SIPA1L1: variants seen among roughly 807,000 people sequenced by gnomAD.
SIPA1L1 encodes the protein signal-induced proliferation-associated 1-like protein 1.
Under a neutral mutation model 162.7 loss-of-function variants are expected in SIPA1L1, and 26 were observed. The ratio of observed to expected loss-of-function variants is 0.16; its 90% CI spans 0.12 to 0.22. The LOEUF is 0.22. Ranked by LOEUF, SIPA1L1 falls within the 10% of genes least tolerant of loss-of-function variation. The probability of loss-of-function intolerance (pLI) is 1.00; values close to 1 mark genes in which losing one functional copy is unlikely to be tolerated. For synonymous variants in SIPA1L1, 829 were observed against 837.4 expected (o/e 0.99, Z 0.17); for missense variants, 1,874 against 2,241.0 (o/e 0.84, Z 3.31).
chr14:71,590,044 A>AATATAT (rs58833289), intron 5 of SIPA1L1, among the ~76,000 whole-genome samples: 60 of 59,570 alleles, frequency 1.0e-3, no homozygotes, highest in African/African-American at 1.9e-3. Flanking sequence ...AAAAAAAAAA[A>AATATAT]ATATATATAT....
chr14:71,668,183 C>A (rs1337993216), intron 10 of SIPA1L1, among the ~76,000 whole-genome samples: 3 of 152,130 alleles, frequency 2.0e-5, no homozygotes, highest in African/African-American at 7.2e-5. Flanking sequence ...TGGCCCATAT[C>A]GAGTAGAAAT....
intron 12 of SIPA1L1, among the ~76,000 whole-genome samples, chr14:71,677,023 G>A (rs1309647717): frequency 3.3e-5 from 5 of 152,186 alleles, no homozygotes; most frequent in Admixed American, 1.3e-4. Context: ...GGTATTTCTA[G>A]TTCTAGATCC....
At chr14:71,341,192 A>G (rs1340587995) in intron 2 of SIPA1L1, among the ~76,000 whole-genome samples, 4 of 152,226 alleles carry the variant, frequency 2.6e-5, no homozygotes, top group Non-Finnish European at 5.9e-5. Flanking sequence ...TGAAATGTGA[A>G]TATATATAGT....
intron 17 of SIPA1L1, among the ~76,000 whole-genome samples, chr14:71,719,467 A>T (rs1277980091): frequency 6.6e-6 from 1 of 152,166 alleles, no homozygotes; most frequent in Non-Finnish European, 1.5e-5. Context: ...CTTTTAATGT[A>T]ACCATTCTGG....
At chr14:71,684,813 G>A (rs1043514554) in intron 12 of SIPA1L1, among the ~76,000 whole-genome samples, 5 of 151,676 alleles carry the variant, frequency 3.3e-5, no homozygotes, top group African/African-American at 4.9e-5. Flanking sequence ...ATGCATTGGC[G>A]GGTGTGTGAA....
At chr14:71,522,762 C>T (rs1371353171) in intron 3 of SIPA1L1, among the ~76,000 whole-genome samples, 6 of 150,976 alleles carry the variant, frequency 4.0e-5, no homozygotes, top group East Asian at 2.0e-4. Flanking sequence ...GGCACGATCT[C>T]GGCTCACTGC....
chr14:71,655,098 G>A (rs999941646), intron 8 of SIPA1L1, among the ~76,000 whole-genome samples: 2 of 152,050 alleles, frequency 1.3e-5, no homozygotes, highest in Non-Finnish European at 2.9e-5. Flanking sequence ...GTGGAGTAGG[G>A]TTCTCCAACC....
chr14:71,605,476 G>A (rs1752089078), intron 5 of SIPA1L1, among the ~76,000 whole-genome samples: 1 of 152,078 alleles, frequency 6.6e-6, no homozygotes, highest in South Asian at 2.1e-4. Context: ...ACATTACTAT[G>A]TACACATCTG....
At chr14:71,711,338 A>C (rs564137101) in intron 17 of SIPA1L1, among the ~76,000 whole-genome samples, 166 of 152,266 alleles carry the variant, frequency 1.1e-3, no homozygotes, top group African/African-American at 3.8e-3. Flanking sequence ...GAATGATGAC[A>C]CTCGCTGGCT....
chr14:71,538,625 T>C (rs906380171), intron 4 of SIPA1L1, among the ~76,000 whole-genome samples: 1 of 152,218 alleles, frequency 6.6e-6, no homozygotes, highest in African/African-American at 2.4e-5. Flanking sequence ...GGCAGGGTCA[T>C]GGTGCTTTTT....
chr14:71,659,831 A>C (rs1319342578), intron 9 of SIPA1L1, among the ~76,000 whole-genome samples: 2 of 152,160 alleles, frequency 1.3e-5, no homozygotes, highest in East Asian at 3.8e-4. Context: ...CAAGGCAAAA[A>C]TGTTACAGTC....
intron 12 of SIPA1L1, among the ~76,000 whole-genome samples, chr14:71,678,848 C>A (rs1248574851): frequency 6.6e-6 from 1 of 151,678 alleles, no homozygotes; most frequent in Non-Finnish European, 1.5e-5. Context: ...GATTCAACTT[C>A]TTCCTGGTTT....
chr14:71,516,101 C>T (rs752761946), intron 3 of SIPA1L1, among the ~76,000 whole-genome samples: 2 of 152,134 alleles, frequency 1.3e-5, no homozygotes, highest in Admixed American at 1.3e-4. Context: ...CTAAGTGCAC[C>T]TCACTCTAAC....
chr14:71,546,343 C>G (rs913464326), intron 4 of SIPA1L1, among the ~76,000 whole-genome samples: 3 of 149,828 alleles, frequency 2.0e-5, no homozygotes, highest in Non-Finnish European at 3.0e-5. Flanking sequence ...CTCTTTTACT[C>G]TCTTCTCTCT....
intron 8 of SIPA1L1, 42 bp downstream of exon 8, chr14:71,650,551 C>A: frequency 1.4e-5 from 22 of 1,553,924 alleles, no homozygotes; most frequent in Non-Finnish European, 2.0e-5. Flanking sequence ...TATTTTCCCC[C>A]TGTTGTGCTG....
chr14:71,536,944 C>T (rs865804326), intron 4 of SIPA1L1, among the ~76,000 whole-genome samples: 4 of 152,054 alleles, frequency 2.6e-5, no homozygotes, highest in African/African-American at 7.2e-5. Context: ...TTCTTTCTTG[C>T]CTGTTTTTCT....
chr14:71,531,637 T>G (rs1595932504), intron 4 of SIPA1L1, among the ~76,000 whole-genome samples: 2 of 152,116 alleles, frequency 1.3e-5, no homozygotes, highest in South Asian at 4.1e-4. Context: ...CAATCTCAGC[T>G]CATTGCAGCC....
At chr14:71,731,223 G>A (rs901864040) in intron 20 of SIPA1L1, among the ~76,000 whole-genome samples, 10 of 152,048 alleles carry the variant, frequency 6.6e-5, no homozygotes, top group Non-Finnish European at 2.9e-5. Flanking sequence ...TGAGCTCTCA[G>A]CCCACGCTCA....
At chr14:71,396,425 C>T (rs1056764270) in intron 2 of SIPA1L1, among the ~76,000 whole-genome samples, 1 of 152,112 alleles carries the variant, frequency 6.6e-6, no homozygotes, top group African/African-American at 2.4e-5. Flanking sequence ...CTTATTTTTA[C>T]CTAATTTTTA....
Sources: allele counts gnomAD v4.1 joint callset (sites outside exome capture counted in the v4.1 genomes callset), GRCh38; gene constraint gnomAD v4.1.1; transcripts MANE v1.5; gene names NCBI Gene and HGNC (gene_info 2026-07-23, HGNC 2026-07-21).